ITIH5: variants seen among roughly 807,000 people sequenced by gnomAD.
ITIH5 encodes inter-alpha-trypsin inhibitor heavy chain 5, also known as inter-alpha-trypsin inhibitor heavy chain H5.
A neutral mutation model predicts 77.5 loss-of-function variants in ITIH5; 65 were observed. The observed-to-expected ratio is 0.84, with a 90% confidence interval of 0.69 to 1.03. ITIH5 has a LOEUF of 1.03. Ranked by LOEUF, ITIH5 falls within the 50% of genes least tolerant of loss-of-function variation. The pLI is 0.00. For missense variants in ITIH5, 1,208 were observed against 1,213.1 expected (o/e 1.00, Z 0.06); for synonymous variants, 525 against 494.3 (o/e 1.06, Z -0.82).
chr10:7,616,872 T>C (rs1189717708), intron 6 of ITIH5, among the ~76,000 whole-genome samples: 1 of 152,164 alleles, frequency 6.6e-6, no homozygotes, highest in African/African-American at 2.4e-5. Flanking sequence ...TAATTTCATC[T>C]AAAACACCAC....
intron 7 of ITIH5, among the ~76,000 whole-genome samples, chr10:7,591,097 A>G (rs529226368): frequency 5.3e-5 from 8 of 152,242 alleles, no homozygotes; most frequent in Admixed American, 2.6e-4. Context: ...GGGTTTCACC[A>G]TGTTGGCCAG....
At chr10:7,582,785 T>G (rs1188942083) in intron 8 of ITIH5, among the ~76,000 whole-genome samples, 1 of 152,092 alleles carries the variant, frequency 6.6e-6, no homozygotes, top group Non-Finnish European at 1.5e-5. Flanking sequence ...AGCTAAAAAT[T>G]AAAACGATTG....
intron 7 of ITIH5, among the ~76,000 whole-genome samples, chr10:7,603,685 A>G (rs568732398): frequency 2.6e-5 from 4 of 152,066 alleles, no homozygotes; most frequent in Admixed American, 2.6e-4. Context: ...CCGGGTTCAC[A>G]CCATTCTCCT....
rs1464340809 is a variant in ITIH5 at position 7,628,872 on chromosome 10, C to CAT, written c.652+8355_652+8356insAT. 2.6e-4 allele frequency among the ~76,000 whole-genome samples: 35 copies of CAT among 135,818 alleles called. 4 individuals are homozygous for CAT. In the East Asian group the frequency reaches 7.1e-3, roughly 27 times the overall value. The allele number at this position is 135,818 out of a possible 152,430, so 89.1% of individuals were successfully genotyped here. A position where few individuals can be genotyped will look rare whatever the true frequency, so the allele number is the denominator to read the frequency against. ...GTGTGTCCCTGTTGTAGCGTGTGTC[C>CAT]GTGTTGTAGCGTGTGTCCGTGTTGT... On this transcript the variant is annotated intron_variant, in intron 5 of 13. Coordinates refer to ENST00000397146, the MANE Select transcript of ITIH5 (RefSeq NM_030569.7).
intron 5 of ITIH5, among the ~76,000 whole-genome samples, chr10:7,627,827 C>CTTTTTTTTT (rs869139058): frequency 3.3e-5 from 3 of 90,804 alleles, no homozygotes; most frequent in African/African-American, 9.9e-5. Flanking sequence ...TGAAATTAAC[C>CTTTTTTTTT]TTTTTTTTTT....
At chr10:7,603,831 C>A (rs1564255501) in intron 7 of ITIH5, among the ~76,000 whole-genome samples, 1 of 152,166 alleles carries the variant, frequency 6.6e-6, no homozygotes, top group Non-Finnish European at 1.5e-5. Flanking sequence ...GATCCGCCCT[C>A]CTCGGCCTCC....
chr10:7,643,628 A>G (rs1833922772), intron 2 of ITIH5, among the ~76,000 whole-genome samples: 1 of 152,184 alleles, frequency 6.6e-6, no homozygotes, highest in Non-Finnish European at 1.5e-5. Flanking sequence ...CTCTGATAAG[A>G]TTCTACTCTC....
chr10:7,567,354 T>TATTATA (rs1185661597), intron 12 of ITIH5, among the ~76,000 whole-genome samples: 1 of 148,252 alleles, frequency 6.7e-6, no homozygotes. Context: ...TTATTATTAT[T>TATTATA]ATACTTTAGG....
intron 2 of ITIH5, among the ~76,000 whole-genome samples, chr10:7,643,356 A>C (rs1833919245): frequency 6.6e-6 from 1 of 152,258 alleles, no homozygotes; most frequent in African/African-American, 2.4e-5. Context: ...CTTTGAAGAC[A>C]TACGCAGTAG....
chr10:7,580,102 A>T, intron 8 of ITIH5, 38 bp from the exon 9 acceptor site: 1 of 1,511,294 alleles, frequency 6.6e-7, no homozygotes, highest in Non-Finnish European at 8.9e-7. Flanking sequence ...AAGCCTCTGC[A>T]CTCACCTCCG....
intron 7 of ITIH5, among the ~76,000 whole-genome samples, chr10:7,606,831 A>T (rs2050347): frequency 2.0e-5 from 3 of 152,228 alleles, no homozygotes; most frequent in Admixed American, 1.3e-4. Context: ...AACAGCAATA[A>T]ATTTTTCAAT....
chr10:7,571,832 C>T (rs905927877), intron 11 of ITIH5: 4 of 316,090 alleles, frequency 1.3e-5, no homozygotes, highest in Non-Finnish European at 1.8e-5. Flanking sequence ...AAAAAAAGTC[C>T]GTACACATTC....
chr10:7,646,294 T>C (rs1396068607), intron 2 of ITIH5, among the ~76,000 whole-genome samples: 1 of 152,226 alleles, frequency 6.6e-6, no homozygotes, highest in East Asian at 1.9e-4. Flanking sequence ...AATTATCAAG[T>C]AACATATGCA....
chr10:7,653,181 AT>A (rs1346284071), intron 2 of ITIH5, among the ~76,000 whole-genome samples: 1 of 152,206 alleles, frequency 6.6e-6, no homozygotes, highest in Non-Finnish European at 1.5e-5. Context: ...GAGTAATAGT[AT>A]TCAAAAATTA....
intron 7 of ITIH5, among the ~76,000 whole-genome samples, chr10:7,586,746 G>C (rs1832687228): frequency 1.3e-5 from 2 of 152,140 alleles, no homozygotes; most frequent in African/African-American, 4.8e-5. Context: ...TTATTACTAT[G>C]GGCTGGAGTG....
chr10:7,609,396 C>T (rs920649323), intron 7 of ITIH5: 3 of 454,722 alleles, frequency 6.6e-6, no homozygotes, highest in Non-Finnish European at 1.3e-5. Context: ...TTCCCCAAGT[C>T]CATGGAGCTT....
chr10:7,576,688 G>T lies in ITIH5; in HGVS notation c.1743C>A (p.Thr581=), dbSNP rs1442310650. The change falls in exon 10 of 14, where the codon ACC becomes ACA. Residue 581 remains threonine, a synonymous_variant. Coordinates refer to ENST00000397146, the MANE Select transcript of ITIH5 (RefSeq NM_030569.7). ...GCCAGGAGCTCAGCAGCTCCTTTGT[G>T]GTGAGGTAGCTCCAGAGACGCTCGA... ...NHIERLWSYL[T]TKELLSSWLQ... is the part of the protein sequence containing the mutation. The T allele has an allele frequency of 4.1e-5, 66 of 1,614,020 alleles. No homozygotes were observed. The highest frequency in any genetic ancestry group is 5.5e-5 in the Non-Finnish European group (65 of 1,180,032).
At chr10:7,635,453 A>C (rs17142881) in intron 5 of ITIH5, among the ~76,000 whole-genome samples, 1 of 152,082 alleles carries the variant, frequency 6.6e-6, no homozygotes, top group African/African-American at 2.4e-5. Context: ...TACCACCTGC[A>C]TGACCTAAGA....
chr10:7,636,479 A>G (rs936265330), intron 5 of ITIH5, among the ~76,000 whole-genome samples: 1 of 152,204 alleles, frequency 6.6e-6, no homozygotes, highest in Non-Finnish European at 1.5e-5. Flanking sequence ...TATCAGCTTC[A>G]TATTTAACAT....
Sources: gnomAD v4.1 joint callset for allele counts (sites outside exome capture counted in the v4.1 genomes callset) on GRCh38, gnomAD v4.1.1 for gene constraint, MANE v1.5 for transcripts, NCBI Gene and HGNC (gene_info 2026-07-23, HGNC 2026-07-21) for gene names.